ESRRG: variants seen among roughly 807,000 people sequenced by gnomAD.
The protein encoded by ESRRG is estrogen related receptor gamma, also known as estrogen-related receptor gamma.
A neutral mutation model predicts 44.0 loss-of-function variants in ESRRG; 13 were observed. The observed-to-expected ratio is 0.30, with a 90% CI of 0.19 to 0.47. ESRRG has a LOEUF of 0.47. ESRRG is among the 20% of genes least tolerant of loss of function. ESRRG has a pLI of 1.00. For missense variants in ESRRG, 395 were observed against 580.6 expected (o/e 0.68, Z 3.29); for synonymous variants, 215 against 214.6 (o/e 1.00, Z -0.02).
At chr1:217,042,677 G>C (rs2084100656) in intron 1 of ESRRG, among the ~76,000 whole-genome samples, 1 of 151,766 alleles carries the variant, frequency 6.6e-6, no homozygotes, top group Admixed American at 6.6e-5. Context: ...CTTTGAAGAT[G>C]TTTCTAATTC....
intron 1 of ESRRG, among the ~76,000 whole-genome samples, chr1:217,007,268 AG>A (rs2077877476): frequency 6.6e-6 from 1 of 152,172 alleles, no homozygotes; most frequent in African/African-American, 2.4e-5. Flanking sequence ...ATGTGGGTCA[AG>A]GGGGAGAGGG....
At position 216,556,876 on chromosome 1, in the gene ESRRG, G is replaced by A. The variant is rs184876869; in HGVS notation, c.862+7343C>T. On this transcript the variant is annotated intron_variant, in intron 5 of 6. Transcript: ENST00000408911. ...GGGTCTGACATAGAGCTCATTAAAT[G>A]CTTATGCATGGAAGGAAGGAAAGGA... 5.9e-5 allele frequency among the ~76,000 whole-genome samples: 9 copies of A among 152,314 alleles called. No individual in the cohort carries two copies. The East Asian group carries it at 1.5e-3, about 26-fold the overall frequency.
At chr1:216,789,040 T>C (rs570057663) in intron 2 of ESRRG, among the ~76,000 whole-genome samples, 8 of 152,268 alleles carry the variant, frequency 5.3e-5, no homozygotes, top group Non-Finnish European at 1.2e-4. Context: ...CTACTTCTTG[T>C]GAAAAGGCTG....
At chr1:216,694,290 A>T (rs2079656529) in intron 1 of ESRRG, among the ~76,000 whole-genome samples, 1 of 152,184 alleles carries the variant, frequency 6.6e-6, no homozygotes, top group Non-Finnish European at 1.5e-5. Context: ...GTGAAGGAGG[A>T]TGATCCCCAA....
At chr1:216,574,606 C>T (rs1289524536) in intron 3 of ESRRG, among the ~76,000 whole-genome samples, 1 of 152,098 alleles carries the variant, frequency 6.6e-6, no homozygotes, top group Non-Finnish European at 1.5e-5. Context: ...TTAAAGATAA[C>T]ACATTTAATA....
At position 216,531,659 on chromosome 1, in the gene ESRRG, G is replaced by A. The variant is rs114132489; in HGVS notation, c.863-12238C>T. Reference sequence around the variant, plus strand: ...TCATTATCAGTGGTAAAAGGCTGCCGGTGGTATATATTTACTATGGATATA... The same window carrying A: ...TCATTATCAGTGGTAAAAGGCTGCCAGTGGTATATATTTACTATGGATATA... On this transcript the variant is annotated intron_variant, in intron 5 of 6. Coordinates refer to ENST00000408911, the MANE Select transcript of ESRRG (RefSeq NM_001438.4). 7.0e-3 allele frequency among the ~76,000 whole-genome samples: 1,059 copies of A among 152,102 alleles called. 6 individuals carry two copies. Among genetic ancestry groups the A allele is most frequent in the African/African-American group, 0.024 (994 of 41,488 alleles).
At chr1:216,723,527 C>T (rs905361951), upstream of ESRRG, 16 of 518,960 alleles carry the variant, frequency 3.1e-5, no homozygotes, top group South Asian at 5.0e-5. Context: ...GCCGCGCAGC[C>T]GATTGGGGGG....
At chr1:217,040,411 A>G (rs968353692) in intron 1 of ESRRG, among the ~76,000 whole-genome samples, 2 of 152,122 alleles carry the variant, frequency 1.3e-5, no homozygotes, top group Admixed American at 1.3e-4. Flanking sequence ...AGAGAAAAAT[A>G]TCCCCCTTTT....
chr1:216,673,771 G>A (rs1037302297), intron 2 of ESRRG, among the ~76,000 whole-genome samples: 3 of 152,058 alleles, frequency 2.0e-5, no homozygotes, highest in Non-Finnish European at 2.9e-5. Context: ...AAAACATACC[G>A]AAGACTCGAG....
rs73089996 is a variant in ESRRG, at chr1:216,664,216, G to C, written c.472+12860C>G. ...AAAATATACAAGGCAGTGTAATGAA[G>C]GGGTTAAGAGGACAGGCTCTGGGTT... On this transcript the variant is annotated intron_variant, in intron 2 of 6. Coordinates refer to ENST00000408911, the MANE Select transcript of ESRRG (RefSeq NM_001438.4). Among the ~76,000 whole-genome samples the C allele has an allele frequency of 3.4e-3, 515 of 152,110 alleles. 4 individuals are homozygous for C. The highest frequency in any genetic ancestry group is 0.011 in the African/African-American group (453 of 41,514).
chr1:216,842,068 G>T (rs2095661907), intron 2 of ESRRG, among the ~76,000 whole-genome samples: 1 of 152,038 alleles, frequency 6.6e-6, no homozygotes, highest in Non-Finnish European at 1.5e-5. Context: ...TAAAAGTAAG[G>T]CCAGAAGATA....
intron 3 of ESRRG, among the ~76,000 whole-genome samples, chr1:216,598,472 G>T (rs1329432893): frequency 6.6e-6 from 1 of 152,170 alleles, no homozygotes; most frequent in Non-Finnish European, 1.5e-5. Flanking sequence ...AACCCACCTT[G>T]TGAGACTGTA....
At chr1:216,588,672 A>G (rs956045212) in intron 3 of ESRRG, among the ~76,000 whole-genome samples, 10 of 152,222 alleles carry the variant, frequency 6.6e-5, no homozygotes, top group African/African-American at 2.2e-4. Flanking sequence ...ATTCACGATT[A>G]ATACTCTGCA....
intron 2 of ESRRG, among the ~76,000 whole-genome samples, chr1:216,936,915 A>G (rs1356521115): frequency 6.6e-6 from 1 of 152,114 alleles, no homozygotes; most frequent in Non-Finnish European, 1.5e-5. Flanking sequence ...GCTCAAATCT[A>G]TTTGCATTCC....
At chr1:217,087,956 G>A (rs1476751729) in intron 1 of ESRRG, among the ~76,000 whole-genome samples, 2 of 151,760 alleles carry the variant, frequency 1.3e-5, no homozygotes, top group Non-Finnish European at 2.9e-5. Context: ...CTCGGGATTT[G>A]AGAAATGTTC....
chr1:216,843,131 G>T (rs1232978681), intron 2 of ESRRG, among the ~76,000 whole-genome samples: 1 of 150,744 alleles, frequency 6.6e-6, no homozygotes, highest in African/African-American at 2.4e-5. Context: ...GGAAATAAAT[G>T]AGAGATAGTC....
chr1:216,847,333 C>T (rs528088067), intron 2 of ESRRG, among the ~76,000 whole-genome samples: 1 of 152,148 alleles, frequency 6.6e-6, no homozygotes, highest in East Asian at 1.9e-4. Flanking sequence ...ACTTAATAAA[C>T]TATATAGGGG....
chr1:216,530,989 C>G lies in ESRRG; in HGVS notation c.863-11568G>C, dbSNP rs113286834. 6.8e-3 allele frequency among the ~76,000 whole-genome samples: 1,037 copies of G among 152,132 alleles called. 6 individuals are homozygous for G. The highest frequency in any genetic ancestry group is 0.014 in the Middle Eastern group (4 of 294). On this transcript the variant is annotated intron_variant, in intron 5 of 6. Transcript: ENST00000408911. ...TTTTCCTAAAATAGAAACTATAACT[C>G]AGTGTCTTTAACATATGCCCTAGGA...
chr1:216,899,573 C>T (rs564947211), intron 2 of ESRRG, among the ~76,000 whole-genome samples: 25 of 152,166 alleles, frequency 1.6e-4, no homozygotes, highest in Non-Finnish European at 2.8e-4. Context: ...TGCTAACATT[C>T]CTCTCTGACT....
Sources: gnomAD v4.1 joint callset for allele counts (sites outside exome capture counted in the v4.1 genomes callset) on GRCh38, gnomAD v4.1.1 for gene constraint, MANE v1.5 for transcripts, NCBI Gene and HGNC (gene_info 2026-07-23, HGNC 2026-07-21) for gene names.